FKBP4: variants seen among roughly 807,000 people sequenced by gnomAD.
The protein encoded by FKBP4 is peptidyl-prolyl cis-trans isomerase FKBP4.
A neutral mutation model predicts 54.1 loss-of-function variants in FKBP4; 28 were observed. The ratio of observed to expected loss-of-function variants is 0.52; its 90% CI spans 0.38 to 0.71. The LOEUF (loss-of-function observed/expected upper bound fraction) is 0.71. Among genes scored for constraint, FKBP4 ranks in the 30% least tolerant of loss-of-function variants. The pLI is 0.00. For synonymous variants in FKBP4, 223 were observed against 216.1 expected (o/e 1.03, Z -0.28); for missense variants, 493 against 574.4 (o/e 0.86, Z 1.45).
rs1487485422 is a variant in FKBP4, at chr12:2,795,601, GCAGCCCGGGGC to G, written c.105+361_105+371del. 7 of 146,996 alleles carry G rather than the reference GCAGCCCGGGGC, an allele frequency of 4.8e-5. No individual in the cohort carries two copies. Among genetic ancestry groups the G allele is most frequent in the African/African-American group, 1.5e-4 (6 of 40,890 alleles). The allele number at this position is 146,996 out of a possible 1,614,324, so 9.1% of individuals were successfully genotyped here. ...GGCGACCGCCGCGGGCACCCGAGCC[GCAGCCCGGGGC>G]CAGGCCGGGCCTCCCACGCCACGCC... On this transcript the variant is annotated intron_variant, in intron 1 of 9. Coordinates refer to ENST00000001008, the MANE Select transcript of FKBP4 (RefSeq NM_002014.4). The surrounding 1 kb of genome is among the most constrained non-coding windows in gnomAD (Gnocchi z 4.3).
chr12:2,803,177 C>T lies in FKBP4; in HGVS notation c.1299C>T (p.Asp433=). 1 of 1,606,208 alleles carries T rather than the reference C, an allele frequency of 6.2e-7. No homozygotes were observed. Among genetic ancestry groups the T allele is most frequent in the East Asian group, 2.2e-5 (1 of 44,504 alleles). Residue 433 remains aspartate, a synonymous_variant, in exon 10 of 10, where the codon GAC becomes GAT. Transcript: ENST00000001008. ...CCAAGGCAGAGGCTTCCTCAGGAGA[C>T]CATCCCACTGACACAGAGATGAAGG... ...NKAKAEASSG[D]HPTDTEMKEE... is the part of the protein sequence containing the mutation.
Position 2,799,607 on chromosome 12 carries a change from G to T in FKBP4, c.672-243G>T, listed in dbSNP as rs1489762517. Among the ~76,000 whole-genome samples, 1 of 152,204 alleles carries T rather than the reference G, an allele frequency of 6.6e-6. No homozygotes were observed. The highest frequency in any genetic ancestry group is 2.4e-5 in the African/African-American group (1 of 41,436). On this transcript the variant is annotated intron_variant, in intron 5 of 9. Coordinates refer to ENST00000001008, the MANE Select transcript of FKBP4 (RefSeq NM_002014.4). ...TTCTGCCTTCTAATTCTAGCTCATT[G>T]TTTAGTGAGGTGCTATTTAAATTAG...
intron 9 of FKBP4, chr12:2,801,778 T>C (rs995862431): frequency 2.0e-5 from 7 of 343,852 alleles, no homozygotes; most frequent in Non-Finnish European, 4.1e-5. Context: ...GAGATGCTTT[T>C]TGTGTGTGAT....
Position 2,799,082 on chromosome 12 carries a change from T to C in FKBP4, c.515-6T>C. The C allele has an allele frequency of 2.0e-6, 3 of 1,526,756 alleles. No individual in the cohort carries two copies. The highest frequency in any genetic ancestry group is 2.6e-6 in the Non-Finnish European group (3 of 1,138,246). 94.6% of individuals were successfully genotyped at this position (1,526,756 alleles called of 1,614,324 possible). ...ACTCTGGTACACTGCCTCTCTTTCATGCCAGTTGCACTGGAAGGGTACTAC... is the reference window on the plus strand; with the variant it reads ...ACTCTGGTACACTGCCTCTCTTTCACGCCAGTTGCACTGGAAGGGTACTAC... On this transcript the variant is annotated splice_region_variant and splice_polypyrimidine_tract_variant and intron_variant, in intron 4 of 9. Coordinates refer to ENST00000001008, the MANE Select transcript of FKBP4 (RefSeq NM_002014.4).
At position 2,803,303 on chromosome 12, in the gene FKBP4, C is replaced by T. The variant is rs1803818; in HGVS notation, c.*45C>T. 4,217 of 1,305,318 alleles carry T rather than the reference C, an allele frequency of 3.2e-3. 96 individuals carry two copies. In the African/African-American group the frequency reaches 0.053, roughly 17 times the overall value. The allele number at this position is 1,305,318 out of a possible 1,614,324, so 80.9% of individuals were successfully genotyped here. A position where few individuals can be genotyped will look rare whatever the true frequency, so the allele number is the denominator to read the frequency against. On this transcript the variant is annotated 3_prime_UTR_variant, in exon 10 of 10. Transcript: ENST00000001008. The stretch of plus-strand genomic sequence containing the variant: ...CTCCTGCGGCTGCCTGCCCCCCAGT[C>T]TCCCCACTCCACCCTGTTAGTTTTG...
At chr12:2,797,054 T>A (rs2097902235) in intron 1 of FKBP4, 84 bp from the exon 2 acceptor site, 2 of 1,565,818 alleles carry the variant, frequency 1.3e-6, no homozygotes, top group South Asian at 2.4e-5. Flanking sequence ...TCCCTTTATG[T>A]TCCCTCTGGA....
chr12:2,803,153 C>T lies in FKBP4; in HGVS notation c.1275C>T (p.Ala425=). 1.2e-6 allele frequency: 2 copies of T among 1,600,464 alleles called. No homozygotes were observed. The highest frequency in any genetic ancestry group is 1.7e-6 in the Non-Finnish European group (2 of 1,173,366). The change falls in exon 10 of 10, where the codon GCC becomes GCT. Residue 425 remains alanine (A), a splice_region_variant and synonymous_variant. Transcript: ENST00000001008. Reference sequence around the variant, plus strand: ...TTTGCTGTTCATCTTCCTTGCAGGCCAAGGCAGAGGCTTCCTCAGGAGACC... The same window carrying T: ...TTTGCTGTTCATCTTCCTTGCAGGCTAAGGCAGAGGCTTCCTCAGGAGACC... ...FERLAEEENK[A]KAEASSGDHP... is the part of the protein sequence containing the mutation.
rs140321109 is a variant in FKBP4, at chr12:2,800,043, A to G, written c.767A>G (p.Lys256Arg). 17 of 1,614,184 alleles carry G rather than the reference A, an allele frequency of 1.1e-5. No homozygotes were observed. The African/African-American group carries it at 2.0e-4, about 19-fold the overall frequency. The change falls in exon 7 of 10, where the codon AAG becomes AGG. Residue 256 changes from lysine (K) to arginine (R), a missense_variant. Lys to Arg is a conservative substitution (Grantham distance 26). Coordinates refer to ENST00000001008, the MANE Select transcript of FKBP4 (RefSeq NM_002014.4). ...ELHLKSFEKA[K>R]ESWEMNSEEK... Reference sequence around the variant, plus strand: ...TTCTCTCCTGGGGTGTGGCAGGCCAAGGAGTCTTGGGAGATGAATTCAGAA... The same window carrying G: ...TTCTCTCCTGGGGTGTGGCAGGCCAGGGAGTCTTGGGAGATGAATTCAGAA...
At chr12:2,801,716 T>C (rs1257328712) in intron 9 of FKBP4, 2 of 421,842 alleles carry the variant, frequency 4.7e-6, no homozygotes, top group Non-Finnish European at 9.4e-6. Context: ...ATGGCACCAC[T>C]GCACCCCAGC....
At position 2,795,153 on chromosome 12, in the gene FKBP4, A is replaced by C. The variant is rs752485526; in HGVS notation, c.14A>C (p.Glu5Ala). The C allele has an allele frequency of 7.6e-6, 10 of 1,309,976 alleles. No homozygotes were observed. Among genetic ancestry groups the C allele is most frequent in the Non-Finnish European group, 8.8e-6 (9 of 1,020,662 alleles). The allele number at this position is 1,309,976 out of a possible 1,614,324, so 81.1% of individuals were successfully genotyped here. A position where few individuals can be genotyped will look rare whatever the true frequency, so the allele number is the denominator to read the frequency against. MTAEEMKATESGAQS... is the reference protein window; with the variant it reads MTAEAMKATESGAQS... ...CGCCGCGCGGAGATGACAGCCGAGGAGATGAAGGCGACCGAGAGCGGGGCG... is the reference window on the plus strand; with the variant it reads ...CGCCGCGCGGAGATGACAGCCGAGGCGATGAAGGCGACCGAGAGCGGGGCG... Residue 5 changes from glutamate (E) to alanine (A), a missense_variant, in exon 1 of 10, where the codon GAG becomes GCG. By Grantham distance (107) the Glu-to-Ala change is moderately radical. Transcript: ENST00000001008. The surrounding 1 kb of genome is among the most constrained non-coding windows in gnomAD (Gnocchi z 4.3).
chr12:2,800,104 G>T lies in FKBP4; in HGVS notation c.828G>T (p.Arg276=). Residue 276 remains arginine (R), a synonymous_variant, in exon 7 of 10, where the codon CGG becomes CGT. Transcript: ENST00000001008. ...AACAGAGCACCATAGTGAAAGAGCG[G>T]GGCACTGTGTACTTCAAGGTGAGCC... The part of the protein sequence containing the change: ...KLEQSTIVKE[R]GTVYFKEGKY... 1 of 1,613,374 alleles carries T rather than the reference G, an allele frequency of 6.2e-7. No homozygotes were observed. The highest frequency in any genetic ancestry group is 1.3e-5 in the African/African-American group (1 of 75,016).
In FKBP4 at chr12:2,795,026, G is replaced by C; in HGVS notation, c.-114G>C. 2.0e-6 allele frequency: 1 copy of C among 505,014 alleles called. No individual in the cohort carries two copies. The highest frequency in any genetic ancestry group is 4.2e-5 in the East Asian group (1 of 23,852). The allele number at this position is 505,014 out of a possible 1,614,324, so 31.3% of individuals were successfully genotyped here. ...TGCTCAAGCCTCCTCGCGGTCCGCAGTCAGTGCCGCCGCGCCCGGCCTCCC... is the reference window on the plus strand; with the variant it reads ...TGCTCAAGCCTCCTCGCGGTCCGCACTCAGTGCCGCCGCGCCCGGCCTCCC... On this transcript the variant is annotated 5_prime_UTR_variant, in exon 1 of 10. Transcript: ENST00000001008. This position sits in a 1 kb window ranked among gnomAD's most constrained non-coding sequence, Gnocchi z 4.3.
In FKBP4 at chr12:2,795,890, G is replaced by C; in HGVS notation, c.105+646G>C. The C allele has an allele frequency of 6.3e-6, 6 of 952,962 alleles. No homozygotes were observed. The highest frequency in any genetic ancestry group is 7.5e-6 in the Non-Finnish European group (6 of 798,508). 59.0% of individuals were successfully genotyped at this position (952,962 alleles called of 1,614,324 possible). ...GCGCGGCGCCCCCTCCCTCGGCCCC[G>C]GGGAGGCCGGGCGCGGGGCATGCCG... On this transcript the variant is annotated intron_variant, in intron 1 of 9. Transcript: ENST00000001008. The surrounding 1 kb of genome is among the most constrained non-coding windows in gnomAD (Gnocchi z 4.3).
At position 2,801,297 on chromosome 12, in the gene FKBP4, GC is replaced by G; in HGVS notation, c.1216del (p.Arg406GlyfsTer35). ...VCQQRIRRQL[A>X]REKKLYANMF... ...CCAGCAGCGGATCCGAAGGCAGCTT[GC>G]CCGGGAGAAGAAGCTCTATGCCAAT... On this transcript the variant is annotated frameshift_variant, in exon 9 of 10. Coordinates refer to ENST00000001008, the MANE Select transcript of FKBP4 (RefSeq NM_002014.4). LOFTEE classifies it high-confidence loss of function. 1 of 1,614,158 alleles carries G rather than the reference GC, an allele frequency of 6.2e-7. No homozygotes were observed. Among genetic ancestry groups the G allele is most frequent in the Non-Finnish European group, 8.5e-7 (1 of 1,180,042 alleles).
At chr12:2,796,082 G>C (rs1486391815) in intron 1 of FKBP4, 1 of 1,193,420 alleles carries the variant, frequency 8.4e-7, no homozygotes, top group Non-Finnish European at 1.1e-6. Context: ...AGGACAACCT[G>C]CCTTGGGTCG....
chr12:2,801,342 G>A lies in FKBP4; in HGVS notation c.1258G>A (p.Glu420Lys), dbSNP rs375946541. ...TGCCAATATGTTTGAGAGGCTGGCT[G>A]AGGAGGAGAACAAGGTGAGGATTGG... ...LYANMFERLA[E>K]EENKAKAEAS... Residue 420 changes from glutamate to lysine, a missense_variant, in exon 9 of 10, where the codon GAG becomes AAG. By Grantham distance (56) the Glu-to-Lys change is moderately conservative. Transcript: ENST00000001008. 1 of 1,613,820 alleles carries A rather than the reference G, an allele frequency of 6.2e-7. No individual in the cohort carries two copies.
intron 9 of FKBP4, among the ~76,000 whole-genome samples, chr12:2,802,118 T>C (rs2097905158): frequency 6.6e-6 from 1 of 152,200 alleles, no homozygotes; most frequent in Admixed American, 6.5e-5. Flanking sequence ...TCAGTCCCTT[T>C]TTAGTCTTCC....
intron 9 of FKBP4, 141 bp downstream of exon 9, chr12:2,801,497 T>C (rs1376247420): frequency 9.4e-6 from 11 of 1,168,680 alleles, no homozygotes; most frequent in Non-Finnish European, 1.4e-5. Flanking sequence ...GGAGCACGTG[T>C]TCCTGCTGTT....
chr12:2,801,760 A>C, intron 9 of FKBP4: 1 of 357,626 alleles, frequency 2.8e-6, no homozygotes, highest in Non-Finnish European at 5.6e-6. Context: ...TCTCAAAAAA[A>C]GAAAAGCGAG....
Sources: gnomAD v4.1 joint callset for allele counts (sites outside exome capture counted in the v4.1 genomes callset) on GRCh38, gnomAD v4.1.1 for gene constraint, Gnocchi (gnomAD v3.1) non-coding constraint, MANE v1.5 for transcripts, NCBI Gene and HGNC (gene_info 2026-07-23, HGNC 2026-07-21) for gene names.